Variants in PTPN12 observed in about 807,000 individuals in gnomAD.
PTPN12 encodes tyrosine-protein phosphatase non-receptor type 12.
A neutral mutation model predicts 97.6 loss-of-function variants in PTPN12; 29 were observed. That is an observed-to-expected ratio of 0.30 (90% CI 0.22 to 0.41). PTPN12 has a LOEUF of 0.41. Among genes scored for constraint, PTPN12 ranks in the 10% least tolerant of loss-of-function variants. PTPN12 has a pLI of 1.00. For synonymous variants in PTPN12, 327 were observed against 300.4 expected, an observed-to-expected ratio of 1.09 and a Z score of -0.91; for missense variants, 819 against 926.0, an observed-to-expected ratio of 0.88 and a Z score of 1.50.
chr7:77,558,015 A>G (rs573710416), intron 1 of PTPN12, among the ~76,000 whole-genome samples: 29 of 152,008 alleles, frequency 1.9e-4, no homozygotes, highest in Non-Finnish European at 3.8e-4. Context: ...GTTCGAGACC[A>G]GCCTGGCCAA....
intron 5 of PTPN12, among the ~76,000 whole-genome samples, chr7:77,586,813 AT>A (rs1295354020): frequency 1.3e-5 from 2 of 152,218 alleles, no homozygotes; most frequent in Non-Finnish European, 2.9e-5. Flanking sequence ...TGCTCACAGC[AT>A]CTTCACCAAA....
Position 77,585,601 on chromosome 7 carries a change from C to T in PTPN12, c.420+20C>T. The T allele has an allele frequency of 6.4e-7, 1 of 1,565,540 alleles. No homozygotes were observed. Among genetic ancestry groups the T allele is most frequent in the Non-Finnish European group, 8.8e-7 (1 of 1,138,640 alleles). On this transcript the variant is annotated intron_variant, in intron 5 of 17. Coordinates refer to ENST00000248594, the MANE Select transcript of PTPN12 (RefSeq NM_002835.4). ...GGAAGGGTATGTATAATCTATTCCT[C>T]TTACTATTTCATTTTTACGGATAAA...
chr7:77,592,235 T>A lies in PTPN12; in HGVS notation c.471T>A (p.Phe157Leu). ...TGTATGGAGAAGACCCCATAACGTT[T>A]GCACCATTTAAAATTTCTTGTGTAA... Reference protein sequence around the residue: ...WPLYGEDPITFAPFKISCEDE... With the variant: ...WPLYGEDPITLAPFKISCEDE... The change falls in exon 6 of 18, where the codon TTT (phenylalanine) becomes TTA (leucine). Residue 157 changes from phenylalanine (F) to leucine (L), a missense_variant. Around this residue, in one of 5 missense-constraint regions of PTPN12, gnomAD observed 45 missense variants for 52.0 expected, o/e 0.87. Coordinates refer to ENST00000248594, the MANE Select transcript of PTPN12 (RefSeq NM_002835.4). 1 of 1,608,784 alleles carries A rather than the reference T, an allele frequency of 6.2e-7. No individual in the cohort carries two copies. Among genetic ancestry groups the A allele is most frequent in the Non-Finnish European group, 8.5e-7 (1 of 1,178,610 alleles).
At chr7:77,624,073 C>A (rs546840285) in intron 12 of PTPN12, among the ~76,000 whole-genome samples, 36 of 152,140 alleles carry the variant, frequency 2.4e-4, no homozygotes, top group Non-Finnish European at 4.4e-4. Flanking sequence ...TCAGTCTGGG[C>A]AACATGAACA....
intron 1 of PTPN12, among the ~76,000 whole-genome samples, chr7:77,558,060 A>T (rs1807801212): frequency 6.6e-6 from 1 of 151,834 alleles, no homozygotes; most frequent in Non-Finnish European, 1.5e-5. Context: ...AAAATAGAAA[A>T]ATTAGCTGGG....
intron 6 of PTPN12, among the ~76,000 whole-genome samples, chr7:77,596,585 A>T (rs888600390): frequency 6.6e-6 from 1 of 152,006 alleles, no homozygotes; most frequent in Non-Finnish European, 1.5e-5. Context: ...TAGTTTTTGT[A>T]TTTTTTTGTA....
intron 2 of PTPN12, among the ~76,000 whole-genome samples, chr7:77,573,415 G>A (rs76431430): frequency 0.019 from 2,929 of 152,248 alleles, 77 homozygotes; most frequent in East Asian, 0.085. Context: ...TTCACATGGT[G>A]GAAGGGGCAA....
At chr7:77,578,382 G>C (rs1004680854) in intron 2 of PTPN12, among the ~76,000 whole-genome samples, 3 of 152,112 alleles carry the variant, frequency 2.0e-5, no homozygotes, top group Non-Finnish European at 4.4e-5. Flanking sequence ...AGGGGGATGG[G>C]ACATGTAGGG....
chr7:77,562,594 AT>A (rs763882557), intron 1 of PTPN12, among the ~76,000 whole-genome samples: 1 of 152,210 alleles, frequency 6.6e-6, no homozygotes, highest in Non-Finnish European at 1.5e-5. Flanking sequence ...GGGACAAAGT[AT>A]TTGAAATTGG....
chr7:77,624,823 G>T (rs1342071525), intron 12 of PTPN12, among the ~76,000 whole-genome samples: 5 of 151,904 alleles, frequency 3.3e-5, no homozygotes, highest in Admixed American at 2.6e-4. Context: ...TTGATCACCT[G>T]GGGGGAGAAA....
At chr7:77,581,635 G>T in intron 3 of PTPN12, 132 bp downstream of exon 3, 1 of 461,356 alleles carries the variant, frequency 2.2e-6, no homozygotes, top group South Asian at 4.9e-5. Flanking sequence ...CCACTGCCCT[G>T]GCACAATGTT....
At chr7:77,629,982 C>T (rs1001021486) in intron 13 of PTPN12, among the ~76,000 whole-genome samples, 1 of 151,580 alleles carries the variant, frequency 6.6e-6, no homozygotes, top group African/African-American at 2.4e-5. Context: ...CTAAAAGCAC[C>T]CTACTATGTG....
At chr7:77,539,487 T>G (rs1806845812) in intron 1 of PTPN12, among the ~76,000 whole-genome samples, 1 of 152,246 alleles carries the variant, frequency 6.6e-6, no homozygotes, top group South Asian at 2.1e-4. Flanking sequence ...TCTTGGTATC[T>G]TTTGAATGGT....
intron 2 of PTPN12, among the ~76,000 whole-genome samples, chr7:77,573,978 C>T (rs1218225217): frequency 6.6e-6 from 1 of 152,190 alleles, no homozygotes; most frequent in African/African-American, 2.4e-5. Flanking sequence ...CCAGGCTGCT[C>T]TCGAACTCCT....
At chr7:77,580,927 C>G (rs934567807) in intron 2 of PTPN12, among the ~76,000 whole-genome samples, 4 of 152,300 alleles carry the variant, frequency 2.6e-5, no homozygotes, top group South Asian at 4.1e-4. Flanking sequence ...ACCCTAGACT[C>G]TGCTCTAGTA....
rs144502980 is a variant in PTPN12 at position 77,542,646 on chromosome 7, C to T, written c.99+5001C>T. 1.2e-3 allele frequency among the ~76,000 whole-genome samples: 186 copies of T among 152,206 alleles called. 3 individuals are homozygous for T. The South Asian group carries it at 0.018, about 15-fold the overall frequency. ...AAGAAAAGAGTATAGTGTTATGACT[C>T]GCAAAATATCTAGCTTGGTATCTGT... On this transcript the variant is annotated intron_variant, in intron 1 of 17. Coordinates refer to ENST00000248594, the MANE Select transcript of PTPN12 (RefSeq NM_002835.4).
At chr7:77,610,729 A>G (rs770475330) in intron 9 of PTPN12, 36 bp from the exon 10 acceptor site, 7 of 1,542,366 alleles carry the variant, frequency 4.5e-6, no homozygotes, top group East Asian at 2.3e-5. Context: ...TTCTGAATAG[A>G]TACACAAAGT....
At position 77,597,872 on chromosome 7, in the gene PTPN12, A is replaced by C; in HGVS notation, c.523A>C (p.Ile175Leu). ...EDEQARTDYFIRTLLLEFQNE... is the reference protein window; with the variant it reads ...EDEQARTDYFLRTLLLEFQNE... ...TGAACAAGCAAGAACAGACTACTTC[A>C]TCAGGACACTCTTACTTGAATTTCA... Residue 175 changes from isoleucine (I) to leucine (L), a missense_variant, in exon 7 of 18, where the codon ATC (isoleucine) becomes CTC (leucine). Coordinates refer to ENST00000248594, the MANE Select transcript of PTPN12 (RefSeq NM_002835.4). 1 of 1,612,654 alleles carries C rather than the reference A, an allele frequency of 6.2e-7. No homozygotes were observed. The highest frequency in any genetic ancestry group is 1.7e-5 in the Admixed American group (1 of 59,782).
At chr7:77,581,651 A>G (rs1390036508) in intron 3 of PTPN12, 148 bp downstream of exon 3, 2 of 447,588 alleles carry the variant, frequency 4.5e-6, no homozygotes, top group African/African-American at 2.0e-5. Context: ...ATGTTTTTAT[A>G]TGCTTTCCTT....
Sources: gnomAD v4.1 joint callset for allele counts (sites outside exome capture counted in the v4.1 genomes callset) on GRCh38, gnomAD v4.1.1 for gene constraint, gnomAD v4.1.1 regional missense constraint, MANE v1.5 for transcripts, NCBI Gene and HGNC (gene_info 2026-07-23, HGNC 2026-07-21) for gene names.